PLPPR1: variants seen among roughly 807,000 people sequenced by gnomAD.
The protein encoded by PLPPR1 is phospholipid phosphatase-related protein type 1.
Under a neutral mutation model 33.1 loss-of-function variants are expected in PLPPR1, and 10 were observed. The observed-to-expected ratio is 0.30, with a 90% CI of 0.19 to 0.51. The LOEUF is 0.51. Ranked by LOEUF, PLPPR1 falls within the 20% of genes least tolerant of loss-of-function variation. PLPPR1 has a pLI of 0.97. For missense variants in PLPPR1, 304 were observed against 408.1 expected, an observed-to-expected ratio of 0.74 and a Z score of 2.20; for synonymous variants, 151 against 151.0, an observed-to-expected ratio of 1.00 and a Z score of 0.00.
intron 1 of PLPPR1, among the ~76,000 whole-genome samples, chr9:101,137,646 C>T (rs59079844): frequency 6.6e-6 from 1 of 152,114 alleles, no homozygotes; most frequent in Non-Finnish European, 1.5e-5. Flanking sequence ...ACATGGCAGC[C>T]TGGGGTGAAC....
chr9:101,246,069 T>TTC (rs1827595454), intron 2 of PLPPR1, among the ~76,000 whole-genome samples: 2 of 72,668 alleles, frequency 2.8e-5, no homozygotes, highest in Non-Finnish European at 6.8e-5. Context: ...TATATATATA[T>TTC]ATATATATAT....
intron 1 of PLPPR1, among the ~76,000 whole-genome samples, chr9:101,142,304 T>C (rs113345898): frequency 9.6e-4 from 146 of 152,286 alleles, no homozygotes; most frequent in African/African-American, 3.3e-3. Flanking sequence ...ACATTTTGAG[T>C]GACTTAATAC....
intron 2 of PLPPR1, among the ~76,000 whole-genome samples, chr9:101,219,560 A>G (rs1193209708): frequency 2.6e-5 from 4 of 152,216 alleles, no homozygotes; most frequent in Admixed American, 2.6e-4. Flanking sequence ...AGTATAAAAC[A>G]ATATATTACC....
At chr9:101,181,124 G>GAT (rs1385912111) in intron 1 of PLPPR1, among the ~76,000 whole-genome samples, 9 of 145,766 alleles carry the variant, frequency 6.2e-5, no homozygotes, top group Non-Finnish European at 1.1e-4. Context: ...ATATATATTA[G>GAT]ATATATTATA....
rs112982013 is a variant in PLPPR1, at chr9:101,310,640, T to C, written c.636+1179T>C. Among the ~76,000 whole-genome samples the C allele has an allele frequency of 3.9e-5, 6 of 152,370 alleles. 1 individual carries two copies. The highest frequency in any genetic ancestry group is 2.1e-4 in the South Asian group (1 of 4,834). On this transcript the variant is annotated intron_variant, in intron 5 of 7. Transcript: ENST00000374874. ...TCATATGGGTTTCTTATACCCCAAA[T>C]GATTCTTTAATTTGTCACATAAAAA...
chr9:101,087,569 G>A (rs566999824), intron 1 of PLPPR1, among the ~76,000 whole-genome samples: 1 of 152,290 alleles, frequency 6.6e-6, no homozygotes, highest in Non-Finnish European at 1.5e-5. Flanking sequence ...GTTTCTCTAG[G>A]TCTCACTTTA....
At chr9:101,251,255 C>G (rs1285387594) in intron 2 of PLPPR1, among the ~76,000 whole-genome samples, 3 of 152,000 alleles carry the variant, frequency 2.0e-5, no homozygotes, top group Non-Finnish European at 4.4e-5. Flanking sequence ...AGGTGCTCAG[C>G]AAAAGTTTAG....
intron 1 of PLPPR1, among the ~76,000 whole-genome samples, chr9:101,126,709 T>A (rs1383673025): frequency 1.3e-5 from 2 of 152,192 alleles, no homozygotes; most frequent in Non-Finnish European, 2.9e-5. Flanking sequence ...ATTCAGCAGG[T>A]GGAGCTGACA....
At position 101,221,090 on chromosome 9, in the gene PLPPR1, GTTTTCT is replaced by G. The variant is rs1156490394; in HGVS notation, c.63+35544_63+35549del. Among the ~76,000 whole-genome samples, 4 of 152,132 alleles carry G rather than the reference GTTTTCT, an allele frequency of 2.6e-5. No individual in the cohort carries two copies. The East Asian group carries it at 5.8e-4, about 22-fold the overall frequency. On this transcript the variant is annotated intron_variant, in intron 2 of 7. Coordinates refer to ENST00000374874, the MANE Select transcript of PLPPR1 (RefSeq NM_207299.2). ...ATTTTTGCAACTTTACCATAGGCCT[GTTTTCT>G]TTTTCTTTTTTCATAAGGTATTGCA...
intron 2 of PLPPR1, among the ~76,000 whole-genome samples, chr9:101,253,745 G>A (rs1364711299): frequency 1.3e-5 from 2 of 152,006 alleles, no homozygotes; most frequent in African/African-American, 4.8e-5. Context: ...GCTCTATTTG[G>A]TCTTTGCGTC....
chr9:101,088,762 G>A (rs941780126), intron 1 of PLPPR1, among the ~76,000 whole-genome samples: 6 of 152,128 alleles, frequency 3.9e-5, no homozygotes, highest in African/African-American at 1.2e-4. Flanking sequence ...ATGAGAAATG[G>A]TTGGCAATGA....
chr9:101,317,333 G>T (rs1564037198), intron 6 of PLPPR1, 32 bp from the exon 7 acceptor site: 1 of 1,605,560 alleles, frequency 6.2e-7, no homozygotes, highest in Non-Finnish European at 8.5e-7. Flanking sequence ...GCTGCAGTCT[G>T]ACCCCATTCT....
At chr9:101,147,227 G>A (rs573858583) in intron 1 of PLPPR1, among the ~76,000 whole-genome samples, 17 of 152,210 alleles carry the variant, frequency 1.1e-4, no homozygotes, top group African/African-American at 3.6e-4. Flanking sequence ...TCCAATGTCT[G>A]CACATTTATA....
chr9:101,202,381 C>T (rs888563093), intron 2 of PLPPR1, among the ~76,000 whole-genome samples: 10 of 152,182 alleles, frequency 6.6e-5, no homozygotes, highest in African/African-American at 2.4e-4. Flanking sequence ...AATATTTTGT[C>T]TTCTCTTGTC....
intron 1 of PLPPR1, among the ~76,000 whole-genome samples, chr9:101,124,677 G>A (rs147636280): frequency 3.6e-3 from 543 of 152,240 alleles, no homozygotes; most frequent in African/African-American, 0.012. Context: ...AATTCACACC[G>A]TACAGGTGGG....
chr9:101,244,270 A>C (rs1334072690), intron 2 of PLPPR1, among the ~76,000 whole-genome samples: 2 of 152,020 alleles, frequency 1.3e-5, no homozygotes, highest in East Asian at 3.9e-4. Context: ...AAAGGCAGTA[A>C]AAATTTAAAA....
intron 1 of PLPPR1, among the ~76,000 whole-genome samples, chr9:101,043,008 C>T (rs761419974): frequency 1.2e-4 from 19 of 152,074 alleles, no homozygotes; most frequent in Non-Finnish European, 2.1e-4. Context: ...TTGCCCATCA[C>T]CGGAGCAGTT....
chr9:101,067,882 T>C (rs1166045536), intron 1 of PLPPR1, among the ~76,000 whole-genome samples: 1 of 152,108 alleles, frequency 6.6e-6, no homozygotes, highest in Non-Finnish European at 1.5e-5. Context: ...AGTAGTTTCC[T>C]TAACCTTCCA....
chr9:101,150,728 T>C (rs1831572081), intron 1 of PLPPR1, among the ~76,000 whole-genome samples: 2 of 152,192 alleles, frequency 1.3e-5, no homozygotes, highest in African/African-American at 4.8e-5. Context: ...TAGGTGGTTA[T>C]GCGGTGGATC....
Sources: gnomAD v4.1 joint callset for allele counts (sites outside exome capture counted in the v4.1 genomes callset) on GRCh38, gnomAD v4.1.1 for gene constraint, MANE v1.5 for transcripts, NCBI Gene and HGNC (gene_info 2026-07-23, HGNC 2026-07-21) for gene names.